The following DAB1 variants were observed in gnomAD, a reference collection of about 807,000 sequenced individuals.
The protein encoded by DAB1 is DAB adaptor protein 1, also known as disabled homolog 1.
Under a neutral mutation model 64.6 loss-of-function variants are expected in DAB1, and 15 were observed. That is an observed-to-expected ratio of 0.23 (90% CI 0.16 to 0.36). The LOEUF is 0.36. DAB1 is among the 10% of genes least tolerant of loss of function. The pLI is 1.00. For missense variants in DAB1, 596 were observed against 706.7 expected (o/e 0.84, Z 1.78); for synonymous variants, 235 against 251.9 (o/e 0.93, Z 0.64).
chr1:57,413,919 A>G (rs1684306765), intron 1 of DAB1, among the ~76,000 whole-genome samples: 1 of 152,136 alleles, frequency 6.6e-6, no homozygotes, highest in Admixed American at 6.6e-5. Context: ...ATGTGATACA[A>G]ATAACAAGAG....
At chr1:57,259,682 A>T (rs1362788570) in intron 2 of DAB1, among the ~76,000 whole-genome samples, 1 of 152,220 alleles carries the variant, frequency 6.6e-6, no homozygotes, top group African/African-American at 2.4e-5. Flanking sequence ...TATGTGGGTC[A>T]TAGCAAAACT....
intron 3 of DAB1, among the ~76,000 whole-genome samples, chr1:58,346,415 G>C (rs563317397): frequency 4.6e-5 from 7 of 152,182 alleles, no homozygotes; most frequent in Non-Finnish European, 8.8e-5. Flanking sequence ...ATGACTTTGA[G>C]GGTCATTAAG....
At chr1:57,974,987 A>G (rs1283206856) in intron 5 of DAB1, among the ~76,000 whole-genome samples, 1 of 152,164 alleles carries the variant, frequency 6.6e-6, no homozygotes, top group Non-Finnish European at 1.5e-5. Flanking sequence ...AGCCTACAAT[A>G]ACTGCTATGG....
intron 2 of DAB1, among the ~76,000 whole-genome samples, chr1:57,255,292 C>G (rs980417496): frequency 1.3e-5 from 2 of 152,154 alleles, no homozygotes; most frequent in African/African-American, 2.4e-5. Context: ...TTATCATATA[C>G]TTTATCTTCT....
chr1:57,563,651 C>T (rs1376070315), intron 7 of DAB1, among the ~76,000 whole-genome samples: 1 of 152,208 alleles, frequency 6.6e-6, no homozygotes, highest in Admixed American at 6.5e-5. Flanking sequence ...TATCCTGCAC[C>T]TGGCTCGGAG....
chr1:57,167,032 G>A (rs557617445), intron 2 of DAB1, among the ~76,000 whole-genome samples: 1 of 152,220 alleles, frequency 6.6e-6, no homozygotes, highest in East Asian at 1.9e-4. Context: ...CTTTGTTCAG[G>A]AACATTACAT....
At chr1:57,484,914 G>T (rs1345292907) in intron 7 of DAB1, among the ~76,000 whole-genome samples, 1 of 152,152 alleles carries the variant, frequency 6.6e-6, no homozygotes, top group Non-Finnish European at 1.5e-5. Flanking sequence ...AACATTTTCT[G>T]GAAAATCACG....
chr1:57,828,136 G>A (rs1422336596), intron 1 of DAB1, among the ~76,000 whole-genome samples: 6 of 151,918 alleles, frequency 3.9e-5, no homozygotes, highest in Non-Finnish European at 7.4e-5. Flanking sequence ...TAGTAGAGAC[G>A]GGGTTTCACC....
chr1:57,238,804 TAC>T (rs1452465984), intron 2 of DAB1, among the ~76,000 whole-genome samples: 3 of 145,194 alleles, frequency 2.1e-5, no homozygotes, highest in African/African-American at 7.7e-5. Flanking sequence ...GAAAAAATAA[TAC>T]ACACATACAC....
chr1:57,945,361 G>A (rs1312534382), intron 5 of DAB1, among the ~76,000 whole-genome samples: 1 of 152,016 alleles, frequency 6.6e-6, no homozygotes, highest in Non-Finnish European at 1.5e-5. Flanking sequence ...CTGGGCTCAA[G>A]CCATCCTCCC....
chr1:58,418,522 G>A (rs1644743299), intron 3 of DAB1, among the ~76,000 whole-genome samples: 1 of 152,104 alleles, frequency 6.6e-6, no homozygotes, highest in African/African-American at 2.4e-5. Flanking sequence ...TCAGCAAAGT[G>A]TAGGGAGACA....
intron 6 of DAB1, among the ~76,000 whole-genome samples, chr1:57,682,707 T>C (rs1474395508): frequency 6.6e-6 from 1 of 152,054 alleles, no homozygotes; most frequent in East Asian, 1.9e-4. Flanking sequence ...GAGACAAGGC[T>C]TCAGCCAGGG....
chr1:57,828,493 CT>C (rs1158028077), intron 1 of DAB1, among the ~76,000 whole-genome samples: 2 of 152,066 alleles, frequency 1.3e-5, no homozygotes, highest in African/African-American at 2.4e-5. Flanking sequence ...GGCTTTTCCC[CT>C]GTTCCAGTGA....
At chr1:57,719,483 T>G (rs1023387966) in intron 6 of DAB1, among the ~76,000 whole-genome samples, 2 of 152,212 alleles carry the variant, frequency 1.3e-5, no homozygotes, top group African/African-American at 4.8e-5. Flanking sequence ...CCAAATTTCA[T>G]TTTGAATTGT....
chr1:57,256,527 C>T (rs1028545791), intron 2 of DAB1, among the ~76,000 whole-genome samples: 1 of 151,806 alleles, frequency 6.6e-6, no homozygotes, highest in East Asian at 1.9e-4. Flanking sequence ...GTCAGCACCA[C>T]GCTCAGATAC....
rs12041829 is a variant in DAB1, at chr1:57,477,050, T to C, written n.625+172542A>G. ...ATAATATCTAAAGCATGTAACACTATACCTGGCACATAGTAAAAGCCTAAT... is the reference window on the plus strand; with the variant it reads ...ATAATATCTAAAGCATGTAACACTACACCTGGCACATAGTAAAAGCCTAAT... On this transcript the variant is annotated intron_variant and non_coding_transcript_variant, in intron 7 of 20. Transcript: ENST00000485760. Among the ~76,000 whole-genome samples, 10 of 152,316 alleles carry C rather than the reference T, an allele frequency of 6.6e-5. No individual in the cohort carries two copies. In the East Asian group the frequency reaches 1.5e-3, roughly 24 times the overall value.
At chr1:58,378,761 G>A (rs1644355064) in intron 3 of DAB1, among the ~76,000 whole-genome samples, 3 of 111,158 alleles carry the variant, frequency 2.7e-5, no homozygotes, top group East Asian at 2.4e-4. Context: ...GGGCAATGGC[G>A]GGCGCCCCTC....
intron 4 of DAB1, among the ~76,000 whole-genome samples, chr1:57,124,093 T>C (rs768151779): frequency 1.2e-4 from 18 of 152,244 alleles, no homozygotes; most frequent in Non-Finnish European, 2.5e-4. Context: ...TAAAACTGCA[T>C]GTGTCATATG....
intron 5 of DAB1, among the ~76,000 whole-genome samples, chr1:57,931,858 CTTATTG>C (rs1398795835): frequency 1.3e-5 from 2 of 151,958 alleles, no homozygotes; most frequent in African/African-American, 4.8e-5. Context: ...GATTCCTGCT[CTTATTG>C]TTATTATTTC....
Sources: gnomAD v4.1 joint callset for allele counts (sites outside exome capture counted in the v4.1 genomes callset) on GRCh38, gnomAD v4.1.1 for gene constraint, MANE v1.5 for transcripts, NCBI Gene and HGNC (gene_info 2026-07-23, HGNC 2026-07-21) for gene names.